The following FAF1 variants were observed in gnomAD, a reference collection of about 807,000 sequenced individuals.
FAF1 encodes Fas associated factor 1.
In FAF1, 25 loss-of-function variants were observed where a neutral mutation model predicts 92.5. That is an observed-to-expected ratio of 0.27 (90% CI 0.20 to 0.38). FAF1 has a LOEUF of 0.38. Among genes scored for constraint, FAF1 ranks in the 10% least tolerant of loss-of-function variants. The pLI, the probability that FAF1 is intolerant of heterozygous loss-of-function variation, is 1.00. For synonymous variants in FAF1, 234 were observed against 273.2 expected (o/e 0.86, Z 1.42); for missense variants, 636 against 793.3 (o/e 0.80, Z 2.38).
chr1:50,629,446 G>C (rs889288662), intron 8 of FAF1, among the ~76,000 whole-genome samples: 2 of 152,100 alleles, frequency 1.3e-5, no homozygotes, highest in African/African-American at 2.4e-5. Flanking sequence ...TGAGATTACA[G>C]GTGTGAGCCA....
chr1:50,811,764 C>G (rs1171124624), intron 2 of FAF1, among the ~76,000 whole-genome samples: 3 of 152,060 alleles, frequency 2.0e-5, no homozygotes, highest in Admixed American at 6.6e-5. Flanking sequence ...CAATCCTAAG[C>G]AAAAAGAGCC....
intron 15 of FAF1, among the ~76,000 whole-genome samples, chr1:50,526,209 G>C (rs1405216700): frequency 2.6e-5 from 4 of 152,002 alleles, no homozygotes; most frequent in Non-Finnish European, 4.4e-5. Context: ...GCCTAGGCTG[G>C]TCTTGATCTC....
intron 4 of FAF1, among the ~76,000 whole-genome samples, chr1:50,786,131 CAA>C (rs538951297): frequency 9.2e-5 from 12 of 130,018 alleles, no homozygotes; most frequent in Admixed American, 1.6e-4. Flanking sequence ...GACCCTGTCT[CAA>C]AAAAAAAAAA....
At chr1:50,897,109 G>A (rs1480824258) in intron 1 of FAF1, among the ~76,000 whole-genome samples, 1 of 152,144 alleles carries the variant, frequency 6.6e-6, no homozygotes, top group Non-Finnish European at 1.5e-5. Context: ...AATAAAATAT[G>A]TGCAAAATCT....
At chr1:50,613,168 C>T (rs756067007) in intron 8 of FAF1, among the ~76,000 whole-genome samples, 2 of 152,216 alleles carry the variant, frequency 1.3e-5, no homozygotes, top group East Asian at 3.9e-4. Flanking sequence ...TAATCCAAGG[C>T]CTGGAAACCA....
chr1:50,504,421 A>G (rs1400848209), intron 15 of FAF1, among the ~76,000 whole-genome samples: 1 of 152,158 alleles, frequency 6.6e-6, no homozygotes, highest in African/African-American at 2.4e-5. Context: ...ATGAAATGTG[A>G]GTAATCTCAA....
intron 2 of FAF1, among the ~76,000 whole-genome samples, chr1:50,815,555 A>G (rs1643961156): frequency 2.0e-5 from 3 of 152,160 alleles, no homozygotes; most frequent in Admixed American, 2.0e-4. Context: ...TTTCCTCTGG[A>G]TATATACCTA....
intron 2 of FAF1, among the ~76,000 whole-genome samples, chr1:50,804,156 T>C (rs889403675): frequency 6.6e-6 from 1 of 152,166 alleles, no homozygotes. Context: ...TAAGACATAG[T>C]GATGAACATA....
chr1:50,612,828 T>C (rs1385774229), intron 8 of FAF1, among the ~76,000 whole-genome samples: 2 of 152,274 alleles, frequency 1.3e-5, no homozygotes, highest in African/African-American at 4.8e-5. Flanking sequence ...TAATCCTTGC[T>C]GGCTCAGCCT....
intron 7 of FAF1, among the ~76,000 whole-genome samples, chr1:50,664,026 T>G (rs891563851): frequency 8.9e-5 from 13 of 145,262 alleles, no homozygotes; most frequent in Non-Finnish European, 1.6e-4. Flanking sequence ...TTAGACAGAG[T>G]CTCGCTCTGT....
At chr1:50,792,410 G>C (rs1243203419) in intron 3 of FAF1, among the ~76,000 whole-genome samples, 1 of 152,158 alleles carries the variant, frequency 6.6e-6, no homozygotes. Flanking sequence ...TATGGAATGA[G>C]GATACCTGGG....
At chr1:50,855,388 T>C (rs1644382803) in intron 2 of FAF1, among the ~76,000 whole-genome samples, 1 of 151,834 alleles carries the variant, frequency 6.6e-6, no homozygotes, top group Admixed American at 6.6e-5. Flanking sequence ...CAGATTCCTT[T>C]ACATTTCCCT....
chr1:50,943,137 C>T (rs1359457568), intron 1 of FAF1, among the ~76,000 whole-genome samples: 1 of 152,214 alleles, frequency 6.6e-6, no homozygotes, highest in Non-Finnish European at 1.5e-5. Flanking sequence ...GATAAATTTT[C>T]TCACAAGTAT....
rs760487361 is a variant in FAF1, at chr1:50,738,934, G to A, written c.480C>T (p.His160=). The part of the protein sequence containing the change: ...VEDSTVLKSL[H]LPKNNSLYVL... ...CATAAAGACTGTTGTTTTTTGGCAA[G>A]TGTAGAGATTTTAGGACCGTCTGAA... Residue 160 remains histidine, a synonymous_variant, in exon 6 of 19, where the codon CAC becomes CAT. Coordinates refer to ENST00000396153, the MANE Select transcript of FAF1 (RefSeq NM_007051.3). The A allele has an allele frequency of 6.2e-7, 1 of 1,605,506 alleles. No individual in the cohort carries two copies. The highest frequency in any genetic ancestry group is 1.7e-5 in the Admixed American group (1 of 59,226).
chr1:50,876,162 C>G (rs1026870760), intron 1 of FAF1, among the ~76,000 whole-genome samples: 2 of 152,164 alleles, frequency 1.3e-5, no homozygotes, highest in African/African-American at 4.8e-5. Flanking sequence ...AGTACTTGAG[C>G]AGGCTTCGTG....
At chr1:50,732,507 T>C (rs1291655744) in intron 6 of FAF1, among the ~76,000 whole-genome samples, 1 of 152,256 alleles carries the variant, frequency 6.6e-6, no homozygotes, top group Non-Finnish European at 1.5e-5. Flanking sequence ...AAATTGTCTT[T>C]CAATGCTATT....
chr1:50,843,549 T>G (rs1270486228), intron 2 of FAF1, among the ~76,000 whole-genome samples: 5 of 152,226 alleles, frequency 3.3e-5, no homozygotes, highest in African/African-American at 1.2e-4. Flanking sequence ...CTACCACCCT[T>G]CCAGCCTCTG....
intron 13 of FAF1, among the ~76,000 whole-genome samples, chr1:50,550,020 T>C (rs1649229428): frequency 6.6e-6 from 1 of 152,132 alleles, no homozygotes; most frequent in African/African-American, 2.4e-5. Context: ...TGTCCTCATG[T>C]ATTTGAAAAC....
At chr1:50,672,456 TG>T in intron 7 of FAF1, among the ~76,000 whole-genome samples, 1 of 152,278 alleles carries the variant, frequency 6.6e-6, no homozygotes, top group South Asian at 2.1e-4. Flanking sequence ...GTATTTTTTT[TG>T]TTTTTTGTAG....
Sources: gnomAD v4.1 joint callset for allele counts (sites outside exome capture counted in the v4.1 genomes callset) on GRCh38, gnomAD v4.1.1 for gene constraint, MANE v1.5 for transcripts, NCBI Gene and HGNC (gene_info 2026-07-23, HGNC 2026-07-21) for gene names.